Variants in HNRNPLL observed in about 807,000 individuals in gnomAD.
HNRNPLL encodes heterogeneous nuclear ribonucleoprotein L like.
In HNRNPLL, 25 loss-of-function variants were observed where a neutral mutation model predicts 67.1. The observed-to-expected ratio is 0.37, with a 90% CI of 0.27 to 0.52. HNRNPLL has a LOEUF of 0.52. Among genes scored for constraint, HNRNPLL ranks in the 20% least tolerant of loss-of-function variants. HNRNPLL has a pLI of 0.90. For missense variants in HNRNPLL, 542 were observed against 673.9 expected (o/e 0.80, Z 2.17); for synonymous variants, 267 against 241.7 (o/e 1.10, Z -0.97).
At chr2:38,569,567 A>T (rs1665991130) in intron 9 of HNRNPLL, among the ~76,000 whole-genome samples, 2 of 152,158 alleles carry the variant, frequency 1.3e-5, no homozygotes, top group Non-Finnish European at 2.9e-5. Flanking sequence ...ACTTTAACAT[A>T]AAAACGTGCC....
At chr2:38,566,124 T>G (rs1243555991) in intron 12 of HNRNPLL, 1 of 983,170 alleles carries the variant, frequency 1.0e-6, no homozygotes, top group East Asian at 1.1e-4. Flanking sequence ...ATCCCAGCAC[T>G]TCGGAAGGCG....
chr2:38,569,152 G>A lies in HNRNPLL; in HGVS notation c.1397C>T (p.Thr466Ile). 6.2e-7 allele frequency: 1 copy of A among 1,609,750 alleles called. No homozygotes were observed. Among genetic ancestry groups the A allele is most frequent in the Non-Finnish European group, 8.5e-7 (1 of 1,176,114 alleles). The stretch of plus-strand genomic sequence containing the variant: ...GCCTACCTTTGTGAAGGTCTCTTCT[G>A]TGACACACAATGGAACATTATAATA... Reference protein sequence around the residue: ...LHYYNVPLCVTEETFTKLCND... With the variant: ...LHYYNVPLCVIEETFTKLCND... Residue 466 changes from threonine (T) to isoleucine (I), a missense_variant, in exon 10 of 13, where the codon ACA (threonine) becomes ATA (isoleucine). This residue lies in a region of HNRNPLL where 415 missense variants were observed against 575.2 expected (regional missense o/e 0.72). Coordinates refer to ENST00000449105, the MANE Select transcript of HNRNPLL (RefSeq NM_138394.4).
Position 38,602,484 on chromosome 2 carries a change from CG to C in HNRNPLL, c.142del (p.Arg48GlyfsTer58). The C allele has an allele frequency of 6.5e-7, 1 of 1,544,106 alleles. No individual in the cohort carries two copies. On this transcript the variant is annotated frameshift_variant, in exon 1 of 13. Coordinates refer to ENST00000449105, the MANE Select transcript of HNRNPLL (RefSeq NM_138394.4). LOFTEE classifies it high-confidence loss of function. The stretch of plus-strand genomic sequence containing the variant: ...GCCGCCGCCGCCATCGCCCCCGCCC[CG>C]GGGCGTCGCTTCCCGGCGGTTCTCG... ...EGENRREATP[R>X]GGGDGGGGGR...
chr2:38,574,537 G>T (rs1345474800), intron 7 of HNRNPLL, among the ~76,000 whole-genome samples: 2 of 151,630 alleles, frequency 1.3e-5, no homozygotes, highest in Non-Finnish European at 3.0e-5. Context: ...AGGGACAACT[G>T]TCATCTATCT....
At position 38,602,729 on chromosome 2, in the gene HNRNPLL, G is replaced by T; in HGVS notation, c.-103C>A. On this transcript the variant is annotated 5_prime_UTR_variant, in exon 1 of 13. Coordinates refer to ENST00000449105, the MANE Select transcript of HNRNPLL (RefSeq NM_138394.4). ...CCTCGCCGCCGGCAGCGCCTCTTCT[G>T]CGAGGGTCTCCGCGGCCCGGCCGTC... 6.7e-7 allele frequency: 1 copy of T among 1,483,858 alleles called. No individual in the cohort carries two copies. The highest frequency in any genetic ancestry group is 9.0e-7 in the Non-Finnish European group (1 of 1,117,074). The allele number at this position is 1,483,858 out of a possible 1,614,324, so 91.9% of individuals were successfully genotyped here. A position where few individuals can be genotyped will look rare whatever the true frequency, so the allele number is the denominator to read the frequency against.
chr2:38,583,286 G>A (rs1334946033), intron 4 of HNRNPLL, among the ~76,000 whole-genome samples: 1 of 152,184 alleles, frequency 6.6e-6, no homozygotes, highest in Non-Finnish European at 1.5e-5. Flanking sequence ...AGCGTTTGCT[G>A]TATATCCCTA....
At chr2:38,586,274 G>A (rs1326724801) in intron 2 of HNRNPLL, among the ~76,000 whole-genome samples, 1 of 152,062 alleles carries the variant, frequency 6.6e-6, no homozygotes, top group African/African-American at 2.4e-5. Context: ...GCCCACCTCG[G>A]CCTCCCAAAG....
chr2:38,564,613 C>CAAAAAAA (rs70954732), intron 12 of HNRNPLL, among the ~76,000 whole-genome samples: 1 of 36,966 alleles, frequency 2.7e-5, no homozygotes, highest in African/African-American at 1.0e-4. Flanking sequence ...GACTCCGTCT[C>CAAAAAAA]AAAAAAAAAA....
chr2:38,584,324 G>C (rs1015717665), intron 3 of HNRNPLL, among the ~76,000 whole-genome samples: 1 of 152,076 alleles, frequency 6.6e-6, no homozygotes, highest in African/African-American at 2.4e-5. Flanking sequence ...GTCTCCTAAA[G>C]AACTAAGATT....
intron 1 of HNRNPLL, among the ~76,000 whole-genome samples, chr2:38,597,008 A>C (rs945791266): frequency 6.6e-6 from 1 of 152,248 alleles, no homozygotes; most frequent in Non-Finnish European, 1.5e-5. Context: ...TTTCAGGGAC[A>C]AACTCTTAAT....
intron 7 of HNRNPLL, among the ~76,000 whole-genome samples, chr2:38,574,815 T>C (rs1438294083): frequency 2.6e-5 from 4 of 152,042 alleles, no homozygotes; most frequent in African/African-American, 9.6e-5. Flanking sequence ...ACAATCCATA[T>C]GAGCGACTGT....
At chr2:38,583,008 C>T (rs1644957247) in intron 4 of HNRNPLL, among the ~76,000 whole-genome samples, 1 of 152,084 alleles carries the variant, frequency 6.6e-6, no homozygotes, top group African/African-American at 2.4e-5. Context: ...GTCCCATTCC[C>T]TAGCAAAGGA....
intron 3 of HNRNPLL, 150 bp from the exon 4 acceptor site, chr2:38,584,076 TC>T (rs1439768068): frequency 4.4e-6 from 2 of 451,262 alleles, no homozygotes; most frequent in East Asian, 7.3e-5. Flanking sequence ...ATTACTTTTT[TC>T]TTGAGACAGG....
chr2:38,602,747 C>G lies in HNRNPLL; in HGVS notation c.-121G>C, dbSNP rs1327370572. The G allele has an allele frequency of 1.4e-5, 21 of 1,505,934 alleles. No individual in the cohort carries two copies. The highest frequency in any genetic ancestry group is 1.9e-5 in the Non-Finnish European group (21 of 1,126,550). 93.3% of individuals were successfully genotyped at this position (1,505,934 alleles called of 1,614,324 possible). ...CTCTTCTGCGAGGGTCTCCGCGGCC[C>G]GGCCGTCCGCGGGGACTGCGCGGCC... On this transcript the variant is annotated 5_prime_UTR_variant, in exon 1 of 13. Coordinates refer to ENST00000449105, the MANE Select transcript of HNRNPLL (RefSeq NM_138394.4).
At chr2:38,575,885 T>C (rs929758172) in intron 7 of HNRNPLL, among the ~76,000 whole-genome samples, 1 of 151,836 alleles carries the variant, frequency 6.6e-6, no homozygotes, top group African/African-American at 2.4e-5. Context: ...TGCCTCTTTA[T>C]TCGCTCTCTT....
At chr2:38,573,707 T>TG (rs1440128228) in intron 7 of HNRNPLL, among the ~76,000 whole-genome samples, 1 of 151,850 alleles carries the variant, frequency 6.6e-6, no homozygotes, top group Non-Finnish European at 1.5e-5. Context: ...AACAAGACTA[T>TG]GGGGGGTTAA....
At chr2:38,583,034 A>G (rs541810539) in intron 4 of HNRNPLL, among the ~76,000 whole-genome samples, 8 of 152,324 alleles carry the variant, frequency 5.3e-5, no homozygotes, top group Non-Finnish European at 1.2e-4. Context: ...TGCAACCTTG[A>G]AACAGAAAAG....
At chr2:38,564,689 A>C (rs1406703322) in intron 12 of HNRNPLL, among the ~76,000 whole-genome samples, 3 of 151,810 alleles carry the variant, frequency 2.0e-5, no homozygotes, top group Non-Finnish European at 2.9e-5. Flanking sequence ...ATTTACTGGA[A>C]GGTAAGCTCA....
chr2:38,569,406 T>A (rs1665985686), intron 9 of HNRNPLL, 72 bp from the exon 10 acceptor site: 4 of 1,076,640 alleles, frequency 3.7e-6, no homozygotes, highest in Non-Finnish European at 5.5e-6. Flanking sequence ...CTCAGAATGC[T>A]AATATATTTT....
Sources: allele counts gnomAD v4.1 joint callset (sites outside exome capture counted in the v4.1 genomes callset), GRCh38; gene constraint gnomAD v4.1.1; regional missense constraint gnomAD v4.1.1; transcripts MANE v1.5; gene names NCBI Gene and HGNC (gene_info 2026-07-23, HGNC 2026-07-21).